The following PTPRK variants were observed in gnomAD, a reference collection of about 807,000 sequenced individuals.
PTPRK encodes the protein protein tyrosine phosphatase receptor type K.
In PTPRK, 75 loss-of-function variants were observed where a neutral mutation model predicts 178.0. That is an observed-to-expected ratio of 0.42 (90% CI 0.35 to 0.51). The LOEUF (loss-of-function observed/expected upper bound fraction) is 0.51, where lower values mean the gene tolerates loss of function less well. Among genes scored for constraint, PTPRK ranks in the 20% least tolerant of loss-of-function variants. PTPRK has a pLI of 0.02. For missense variants in PTPRK, 1,441 were observed against 1,797.8 expected (o/e 0.80, Z 3.59); for synonymous variants, 637 against 620.6 (o/e 1.03, Z -0.39).
intron 7 of PTPRK, among the ~76,000 whole-genome samples, chr6:128,090,932 A>C (rs1008981985): frequency 1.7e-4 from 26 of 152,358 alleles, no homozygotes; most frequent in African/African-American, 6.0e-4. Context: ...AAGATAGTCA[A>C]ATTCTTGCTA....
intron 1 of PTPRK, among the ~76,000 whole-genome samples, chr6:128,491,114 G>A (rs1853705492): frequency 6.6e-6 from 1 of 152,200 alleles, no homozygotes; most frequent in African/African-American, 2.4e-5. Context: ...GTGATGATTA[G>A]ATGTATTACT....
intron 11 of PTPRK, among the ~76,000 whole-genome samples, chr6:128,071,153 T>A (rs769696680): frequency 6.6e-6 from 1 of 151,562 alleles, no homozygotes; most frequent in Non-Finnish European, 1.5e-5. Flanking sequence ...GGACCTTATA[T>A]TCACTTTTAT....
intron 7 of PTPRK, among the ~76,000 whole-genome samples, chr6:128,181,409 T>G (rs1269778851): frequency 6.6e-6 from 1 of 152,122 alleles, no homozygotes; most frequent in Non-Finnish European, 1.5e-5. Flanking sequence ...ATTATCAACA[T>G]TTATTCAATC....
intron 1 of PTPRK, among the ~76,000 whole-genome samples, chr6:128,459,319 C>T (rs1173331589): frequency 6.6e-6 from 1 of 152,124 alleles, no homozygotes; most frequent in African/African-American, 2.4e-5. Flanking sequence ...ATGCCCACTA[C>T]TTACAATGGG....
intron 27 of PTPRK, 141 bp downstream of exon 27, chr6:127,976,516 C>A (rs1774615704): frequency 9.7e-7 from 1 of 1,031,870 alleles, no homozygotes; most frequent in Admixed American, 2.5e-5. Context: ...AGTACTAAGG[C>A]ATAAGATGGT....
intron 1 of PTPRK, among the ~76,000 whole-genome samples, chr6:128,430,615 C>T (rs1844714845): frequency 1.3e-5 from 2 of 152,066 alleles, no homozygotes; most frequent in South Asian, 4.1e-4. Context: ...GTGTATAAAA[C>T]ACACATACAA....
At chr6:128,443,842 T>G (rs1044406017) in intron 1 of PTPRK, among the ~76,000 whole-genome samples, 1 of 152,044 alleles carries the variant, frequency 6.6e-6, no homozygotes, top group African/African-American at 2.4e-5. Flanking sequence ...GACACTCTCC[T>G]AGACCAGATT....
chr6:128,271,780 C>T (rs191895409), intron 3 of PTPRK, among the ~76,000 whole-genome samples: 45 of 151,932 alleles, frequency 3.0e-4, no homozygotes, highest in African/African-American at 8.7e-4. Flanking sequence ...CTCTGGCCAA[C>T]GCTTCTGCTT....
intron 6 of PTPRK, among the ~76,000 whole-genome samples, chr6:128,199,800 G>A (rs1477630561): frequency 6.6e-6 from 1 of 152,096 alleles, no homozygotes; most frequent in African/African-American, 2.4e-5. Context: ...TCACAAACAT[G>A]GGCGTCTATG....
chr6:128,043,717 A>G (rs916547346), intron 13 of PTPRK, among the ~76,000 whole-genome samples: 2 of 151,988 alleles, frequency 1.3e-5, no homozygotes, highest in Admixed American at 6.6e-5. Flanking sequence ...TGTTATCAAT[A>G]TATAGAATCT....
chr6:128,463,179 A>T lies in PTPRK; in HGVS notation c.100+57080T>A, dbSNP rs143021319. Among the ~76,000 whole-genome samples, 1,394 of 152,298 alleles carry T rather than the reference A, an allele frequency of 9.2e-3. 22 individuals carry two copies. The highest frequency in any genetic ancestry group is 0.032 in the African/African-American group (1,314 of 41,564). Reference sequence around the variant, plus strand: ...TGTACATTAGAAAGTGATGCCCCCTATATGACAAATGCAGATAAAGTGTGG... The same window carrying T: ...TGTACATTAGAAAGTGATGCCCCCTTTATGACAAATGCAGATAAAGTGTGG... On this transcript the variant is annotated intron_variant, in intron 1 of 29. Coordinates refer to ENST00000368226, the MANE Select transcript of PTPRK (RefSeq NM_002844.4).
intron 3 of PTPRK, among the ~76,000 whole-genome samples, chr6:128,257,659 T>C (rs1817550443): frequency 6.6e-6 from 1 of 152,142 alleles, no homozygotes; most frequent in African/African-American, 2.4e-5. Context: ...CAAAATGCAA[T>C]AACAAGTGTT....
intron 1 of PTPRK, among the ~76,000 whole-genome samples, chr6:128,424,536 A>G (rs1438056801): frequency 2.0e-5 from 3 of 152,214 alleles, no homozygotes; most frequent in Non-Finnish European, 4.4e-5. Flanking sequence ...CAAAAAGCCT[A>G]TGAAGAACAG....
intron 1 of PTPRK, among the ~76,000 whole-genome samples, chr6:128,416,464 A>G (rs1842864614): frequency 6.6e-6 from 1 of 150,694 alleles, no homozygotes; most frequent in South Asian, 2.1e-4. Context: ...ACACGGTGAA[A>G]CCCAGTCTCT....
intron 7 of PTPRK, among the ~76,000 whole-genome samples, chr6:128,148,311 T>C (rs1562674643): frequency 6.6e-6 from 1 of 152,126 alleles, no homozygotes; most frequent in East Asian, 1.9e-4. Context: ...CTTTGTGAGG[T>C]AGAGAATTCC....
intron 3 of PTPRK, among the ~76,000 whole-genome samples, 158 bp from the exon 4 acceptor site, chr6:128,242,760 C>G (rs1164335203): frequency 6.6e-6 from 1 of 152,088 alleles, no homozygotes; most frequent in Admixed American, 6.6e-5. Flanking sequence ...AACTCTTGTA[C>G]AGGTAAACAA....
At chr6:128,096,940 T>C (rs553818341) in intron 7 of PTPRK, among the ~76,000 whole-genome samples, 34 of 152,308 alleles carry the variant, frequency 2.2e-4, no homozygotes, top group Middle Eastern at 3.4e-3. Flanking sequence ...TTGAAAGACA[T>C]TGTCTTTTAC....
chr6:128,168,246 T>A (rs1423025841), intron 7 of PTPRK, among the ~76,000 whole-genome samples: 2 of 152,050 alleles, frequency 1.3e-5, no homozygotes, highest in Non-Finnish European at 2.9e-5. Context: ...GAAAAAGGAC[T>A]TTGCTCAAAA....
At chr6:128,431,498 A>G (rs1429878421) in intron 1 of PTPRK, among the ~76,000 whole-genome samples, 1 of 152,202 alleles carries the variant, frequency 6.6e-6, no homozygotes, top group Non-Finnish European at 1.5e-5. Context: ...AATGAAATCA[A>G]TTTAAAAAAA....
Sources: gnomAD v4.1 joint callset for allele counts (sites outside exome capture counted in the v4.1 genomes callset) on GRCh38, gnomAD v4.1.1 for gene constraint, MANE v1.5 for transcripts, NCBI Gene and HGNC (gene_info 2026-07-23, HGNC 2026-07-21) for gene names.